FOXP1: variants seen among roughly 807,000 people sequenced by gnomAD.
FOXP1 encodes forkhead box P1.
FOXP1 carries 15 observed loss-of-function variants against 98.2 expected under a neutral mutation model. That is an observed-to-expected ratio of 0.15 (90% CI 0.10 to 0.24). FOXP1 has a LOEUF of 0.24. Ranked by LOEUF, FOXP1 falls within the 10% of genes least tolerant of loss-of-function variation. The probability of loss-of-function intolerance (pLI) is 1.00; values close to 1 mark genes in which losing one functional copy is unlikely to be tolerated. For missense variants in FOXP1, 633 were observed against 848.5 expected (o/e 0.75, Z 3.15); for synonymous variants, 371 against 314.5 (o/e 1.18, Z -1.90).
chr3:71,544,379 A>T (rs1038463124), intron 2 of FOXP1, among the ~76,000 whole-genome samples: 2 of 139,762 alleles, frequency 1.4e-5, no homozygotes, highest in African/African-American at 5.2e-5. Flanking sequence ...AAAGAAATGG[A>T]AAAAAAAAAA....
chr3:71,269,982 C>A (rs1435864573), intron 5 of FOXP1, among the ~76,000 whole-genome samples: 1 of 152,096 alleles, frequency 6.6e-6, no homozygotes, highest in East Asian at 1.9e-4. Context: ...ATACTTTTTG[C>A]CAAAGCACCT....
intron 7 of FOXP1, among the ~76,000 whole-genome samples, chr3:71,095,553 A>G (rs2056377914): frequency 6.6e-6 from 1 of 152,142 alleles, no homozygotes; most frequent in Non-Finnish European, 1.5e-5. Context: ...TTGCAGAATG[A>G]GCAAAGAAGG....
At chr3:71,108,576 G>A (rs2057639848) in intron 7 of FOXP1, among the ~76,000 whole-genome samples, 1 of 152,148 alleles carries the variant, frequency 6.6e-6, no homozygotes, top group Non-Finnish European at 1.5e-5. Flanking sequence ...GACCAGCCTG[G>A]TCAACATGGT....
intron 2 of FOXP1, among the ~76,000 whole-genome samples, chr3:71,520,921 A>C (rs909251899): frequency 2.6e-5 from 4 of 152,202 alleles, no homozygotes; most frequent in African/African-American, 9.7e-5. Flanking sequence ...ATGAATATAG[A>C]AAGAAAAATA....
At chr3:71,134,989 T>G (rs141377579) in intron 6 of FOXP1, among the ~76,000 whole-genome samples, 7 of 152,076 alleles carry the variant, frequency 4.6e-5, no homozygotes, top group Non-Finnish European at 1.0e-4. Flanking sequence ...CCAGGCACGG[T>G]GGCTCACGCC....
intron 2 of FOXP1, chr3:71,570,650 GAAGAA>G (rs1177296190): frequency 1.1e-4 from 17 of 152,236 alleles, no homozygotes; most frequent in African/African-American, 4.1e-4. Flanking sequence ...GGAGGCAGTT[GAAGAA>G]AAGAACAGAG....
intron 5 of FOXP1, among the ~76,000 whole-genome samples, chr3:71,221,979 C>G (rs923771419): frequency 2.6e-5 from 4 of 152,104 alleles, no homozygotes; most frequent in Non-Finnish European, 5.9e-5. Context: ...ACGGTAAAAC[C>G]CTGTCTCTAC....
chr3:71,057,372 T>A (rs2050825276), intron 7 of FOXP1, among the ~76,000 whole-genome samples: 1 of 129,852 alleles, frequency 7.7e-6, no homozygotes, highest in South Asian at 2.9e-4. Flanking sequence ...ATAACAACAT[T>A]CATTTCTGAT....
Position 71,259,874 on chromosome 3 carries a change from T to C in FOXP1, c.-12+39946A>G, listed in dbSNP as rs550984570. Among the ~76,000 whole-genome samples the C allele has an allele frequency of 4.2e-4, 64 of 152,266 alleles. 1 individual carries two copies. In the South Asian group the frequency reaches 0.011, roughly 27 times the overall value. ...GATTAAGCTCCACAGGTAAGCCCCT[T>C]TGGTGGATAGAGGGTGGGGGTGCTG... On this transcript the variant is annotated intron_variant, in intron 5 of 20. Transcript: ENST00000649528.
chr3:71,017,077 C>T (rs926537220), intron 11 of FOXP1, among the ~76,000 whole-genome samples: 2 of 151,834 alleles, frequency 1.3e-5, no homozygotes, highest in Non-Finnish European at 2.9e-5. Context: ...AGGTGCCCCT[C>T]ATACAAGAAA....
Position 71,033,937 on chromosome 3 carries a change from G to A in FOXP1, c.869+7391C>T, listed in dbSNP as rs1406208137. On this transcript the variant is annotated intron_variant, in intron 11 of 20. Transcript: ENST00000649528. ...TTTGCCCTAAGTAGGTTACCTCCCC[G>A]ACAGATAGACATGGGACAGGTGATG... is the stretch of plus-strand genomic sequence containing the variant. Among the ~76,000 whole-genome samples the A allele has an allele frequency of 3.9e-5, 6 of 152,126 alleles. No individual in the cohort carries two copies. The East Asian group carries it at 7.7e-4, about 20-fold the overall frequency.
chr3:71,258,813 G>A (rs529756997), intron 5 of FOXP1, among the ~76,000 whole-genome samples: 1 of 152,336 alleles, frequency 6.6e-6, no homozygotes, highest in South Asian at 2.1e-4. Context: ...CAAAGTCAAT[G>A]TTGACCGCAG....
intron 3 of FOXP1, among the ~76,000 whole-genome samples, chr3:71,441,357 G>A (rs922509450): frequency 1.3e-5 from 2 of 152,314 alleles, no homozygotes; most frequent in South Asian, 2.1e-4. Flanking sequence ...ACATCCCACC[G>A]TGCACAGCAC....
chr3:71,483,846 T>TA (rs937297758), intron 3 of FOXP1, among the ~76,000 whole-genome samples: 1 of 149,962 alleles, frequency 6.7e-6, no homozygotes, highest in African/African-American at 2.5e-5. Context: ...AACACAGTAG[T>TA]AAAAAAAAAT....
chr3:71,021,689 C>A (rs746330348), intron 11 of FOXP1, among the ~76,000 whole-genome samples: 7 of 152,188 alleles, frequency 4.6e-5, no homozygotes, highest in Admixed American at 1.3e-4. Flanking sequence ...CTTGCCAATA[C>A]TTGTTACGTA....
intron 2 of FOXP1, among the ~76,000 whole-genome samples, chr3:71,517,217 T>C (rs1435477646): frequency 6.6e-6 from 1 of 151,712 alleles, no homozygotes; most frequent in Non-Finnish European, 1.5e-5. Flanking sequence ...CATGTGGCTA[T>C]GCAAAACACA....
intron 9 of FOXP1, among the ~76,000 whole-genome samples, chr3:71,050,807 T>C (rs1244150571): frequency 2.0e-5 from 3 of 152,172 alleles, no homozygotes; most frequent in African/African-American, 4.8e-5. Context: ...TCATGTTGAT[T>C]TATGGGCGCA....
intron 12 of FOXP1, among the ~76,000 whole-genome samples, chr3:71,005,338 A>AAAAAAC (rs2042656230): frequency 6.7e-6 from 1 of 150,176 alleles, no homozygotes; most frequent in Admixed American, 6.6e-5. Context: ...AAAAAAAAAA[A>AAAAAAC]AAACCAGAAT....
chr3:71,345,411 C>T lies in FOXP1; in HGVS notation c.-73+13739G>A, dbSNP rs879787699. The stretch of plus-strand genomic sequence containing the variant: ...TCAAATATATATACACACACACACA[C>T]ACACACACACACACACACACACACA... On this transcript the variant is annotated intron_variant, in intron 4 of 20. Transcript: ENST00000649528. 8.9e-3 allele frequency among the ~76,000 whole-genome samples: 1,262 copies of T among 141,804 alleles called. 14 individuals carry two copies. The highest frequency in any genetic ancestry group is 0.019 in the African/African-American group (670 of 35,224). The allele number at this position is 141,804 out of a possible 152,430, so 93.0% of individuals were successfully genotyped here. A position where few individuals can be genotyped will look rare whatever the true frequency, so the allele number is the denominator to read the frequency against.
Sources: gnomAD v4.1 joint callset for allele counts (sites outside exome capture counted in the v4.1 genomes callset) on GRCh38, gnomAD v4.1.1 for gene constraint, MANE v1.5 for transcripts, NCBI Gene and HGNC (gene_info 2026-07-23, HGNC 2026-07-21) for gene names.